LRBA: variants seen among roughly 807,000 people sequenced by gnomAD.
The protein encoded by LRBA is lipopolysaccharide-responsive and beige-like anchor protein.
In LRBA, 176 loss-of-function variants were observed where a neutral mutation model predicts 330.0. The ratio of observed to expected loss-of-function variants is 0.53; its 90% CI spans 0.47 to 0.60. The LOEUF is 0.60. LRBA is among the 20% of genes least tolerant of loss of function. The probability of loss-of-function intolerance (pLI) is 0.00; values close to 1 mark genes in which losing one functional copy is unlikely to be tolerated. For synonymous variants in LRBA, 1,230 were observed against 1,193.0 expected (o/e 1.03, Z -0.64); for missense variants, 3,259 against 3,444.8 (o/e 0.95, Z 1.35).
chr4:150,688,434 A>G (rs886965704), intron 36 of LRBA, among the ~76,000 whole-genome samples: 4 of 152,338 alleles, frequency 2.6e-5, no homozygotes, highest in South Asian at 2.1e-4. Flanking sequence ...CAATGGCAAC[A>G]TAAGTCAAAA....
intron 35 of LRBA, among the ~76,000 whole-genome samples, chr4:150,754,287 TAAG>T (rs1190734703): frequency 5.5e-5 from 8 of 144,574 alleles, no homozygotes; most frequent in Non-Finnish European, 1.2e-4. Context: ...TTATCCTAAT[TAAG>T]GAGAGAAAAT....
intron 40 of LRBA, among the ~76,000 whole-genome samples, chr4:150,559,854 AT>A (rs1767996836): frequency 3.9e-5 from 1 of 25,582 alleles, no homozygotes; most frequent in Non-Finnish European, 8.4e-5. Flanking sequence ...ATAATAATAT[AT>A]AATTATATAT....
At chr4:150,547,144 A>G (rs190907866) in intron 40 of LRBA, among the ~76,000 whole-genome samples, 28 of 152,294 alleles carry the variant, frequency 1.8e-4, no homozygotes, top group Non-Finnish European at 2.8e-4. Context: ...TTTCTAAAAT[A>G]CATACATATA....
intron 2 of LRBA, among the ~76,000 whole-genome samples, chr4:150,969,870 C>T (rs923230097): frequency 2.0e-5 from 3 of 152,130 alleles, no homozygotes; most frequent in Non-Finnish European, 2.9e-5. Flanking sequence ...TAGTTGATAA[C>T]GCAGTAGCAG....
intron 2 of LRBA, among the ~76,000 whole-genome samples, chr4:150,938,705 T>A (rs1047278142): frequency 2.0e-5 from 3 of 152,152 alleles, no homozygotes; most frequent in Non-Finnish European, 4.4e-5. Context: ...CATCCTGGAA[T>A]TGAAGGTGTC....
At chr4:150,278,082 T>G (rs1284791124) in intron 55 of LRBA, 78 bp from the exon 56 acceptor site, 2 of 1,241,416 alleles carry the variant, frequency 1.6e-6, no homozygotes, top group African/African-American at 2.9e-5. Context: ...GAGTCATTCT[T>G]ACACCAGCTA....
chr4:150,612,524 T>C (rs956321993), intron 37 of LRBA, among the ~76,000 whole-genome samples: 2 of 152,242 alleles, frequency 1.3e-5, no homozygotes, highest in South Asian at 2.1e-4. Context: ...TGTCATCTCC[T>C]AGATACTTTC....
At chr4:150,711,794 T>C (rs2127039754) in intron 36 of LRBA, among the ~76,000 whole-genome samples, 1 of 152,296 alleles carries the variant, frequency 6.6e-6, no homozygotes, top group Admixed American at 6.5e-5. Flanking sequence ...GTAATGATAA[T>C]TGGGACACAA....
intron 37 of LRBA, among the ~76,000 whole-genome samples, chr4:150,613,323 G>A (rs1775448921): frequency 6.6e-6 from 1 of 152,182 alleles, no homozygotes; most frequent in Admixed American, 6.5e-5. Flanking sequence ...CACAGTTGAA[G>A]GGCATTATCC....
At chr4:150,411,358 T>C (rs1157435784) in intron 47 of LRBA, among the ~76,000 whole-genome samples, 1 of 152,172 alleles carries the variant, frequency 6.6e-6, no homozygotes, top group African/African-American at 2.4e-5. Context: ...GCATTACTGG[T>C]TCACTACCAA....
intron 35 of LRBA, among the ~76,000 whole-genome samples, chr4:150,739,853 A>T (rs1731711728): frequency 6.6e-6 from 1 of 152,190 alleles, no homozygotes; most frequent in Non-Finnish European, 1.5e-5. Context: ...ATGATCATGG[A>T]AGCAGATCCT....
intron 37 of LRBA, among the ~76,000 whole-genome samples, chr4:150,661,196 C>T (rs1373249999): frequency 6.6e-6 from 1 of 150,822 alleles, no homozygotes; most frequent in Non-Finnish European, 1.5e-5. Flanking sequence ...AGAGGCCAGG[C>T]ATGGTGGCTC....
At chr4:150,711,278 C>T (rs1303510834) in intron 36 of LRBA, among the ~76,000 whole-genome samples, 1 of 151,338 alleles carries the variant, frequency 6.6e-6, no homozygotes, top group Non-Finnish European at 1.5e-5. Flanking sequence ...CTGTGTCACC[C>T]AGGATGGAGT....
chr4:150,333,475 G>A (rs1275567962), intron 48 of LRBA, among the ~76,000 whole-genome samples: 2 of 151,906 alleles, frequency 1.3e-5, no homozygotes, highest in African/African-American at 4.8e-5. Context: ...GTTCAAGAAA[G>A]CTGCTGTAAG....
At chr4:150,656,916 C>T (rs1041588229) in intron 37 of LRBA, among the ~76,000 whole-genome samples, 1 of 152,122 alleles carries the variant, frequency 6.6e-6, no homozygotes, top group Non-Finnish European at 1.5e-5. Flanking sequence ...TAAGAAGCTG[C>T]TAATTTGATT....
At chr4:150,929,928 A>C (rs548730519) in intron 2 of LRBA, among the ~76,000 whole-genome samples, 5 of 152,280 alleles carry the variant, frequency 3.3e-5, no homozygotes, top group African/African-American at 1.2e-4. Flanking sequence ...TGATTCACCT[A>C]CGCTTCTTTC....
chr4:150,997,118 A>C (rs552150739), intron 2 of LRBA, among the ~76,000 whole-genome samples: 1 of 152,304 alleles, frequency 6.6e-6, no homozygotes, highest in East Asian at 1.9e-4. Context: ...AGCACCACTT[A>C]AATAACTTGA....
At chr4:150,759,524 T>A (rs1202417102) in intron 35 of LRBA, among the ~76,000 whole-genome samples, 1 of 152,146 alleles carries the variant, frequency 6.6e-6, no homozygotes, top group Non-Finnish European at 1.5e-5. Context: ...GCTCCAATGT[T>A]ACTTTCTCAA....
intron 36 of LRBA, among the ~76,000 whole-genome samples, chr4:150,731,844 T>C (rs1730501238): frequency 2.6e-5 from 4 of 152,196 alleles, no homozygotes; most frequent in African/African-American, 9.6e-5. Flanking sequence ...TAAAATGGTG[T>C]ATCTGGATTG....
Sources: allele counts gnomAD v4.1 joint callset (sites outside exome capture counted in the v4.1 genomes callset), GRCh38; gene constraint gnomAD v4.1.1; transcripts MANE v1.5; gene names NCBI Gene and HGNC (gene_info 2026-07-23, HGNC 2026-07-21).